Variants in AOAH observed in about 807,000 individuals in gnomAD.
The protein encoded by AOAH is acyloxyacyl hydrolase.
A neutral mutation model predicts 92.2 loss-of-function variants in AOAH; 64 were observed. The observed-to-expected ratio is 0.69, with a 90% CI of 0.57 to 0.86. The LOEUF is 0.86. Ranked by LOEUF, AOAH falls within the 40% of genes least tolerant of loss-of-function variation. AOAH has a pLI of 0.00. For synonymous variants in AOAH, 263 were observed against 254.5 expected (o/e 1.03, Z -0.32); for missense variants, 656 against 694.6 (o/e 0.94, Z 0.62).
At chr7:36,594,555 A>C in intron 11 of AOAH, 125 bp from the exon 12 acceptor site, 1 of 829,918 alleles carries the variant, frequency 1.2e-6, no homozygotes, top group East Asian at 2.7e-5. Context: ...TCTCGCTTTA[A>C]GGGCTTTTGG....
At chr7:36,544,729 G>A (rs934803188) in intron 15 of AOAH, among the ~76,000 whole-genome samples, 7 of 152,160 alleles carry the variant, frequency 4.6e-5, no homozygotes, top group African/African-American at 9.7e-5. Context: ...AGCCTGTCCC[G>A]CCCTAATGAA....
intron 16 of AOAH, among the ~76,000 whole-genome samples, chr7:36,537,286 T>TTCTA (rs994413826): frequency 4.6e-5 from 7 of 151,474 alleles, no homozygotes; most frequent in African/African-American, 1.7e-4. Context: ...AACAAACTTG[T>TTCTA]TCTATCTTTT....
chr7:36,695,112 A>T (rs1191285001), intron 1 of AOAH, among the ~76,000 whole-genome samples: 1 of 152,232 alleles, frequency 6.6e-6, no homozygotes, highest in Non-Finnish European at 1.5e-5. Flanking sequence ...AAATTTAGAA[A>T]TATAACAAAA....
chr7:36,620,125 T>C (rs961190955), intron 9 of AOAH, among the ~76,000 whole-genome samples: 2 of 152,224 alleles, frequency 1.3e-5, no homozygotes, highest in African/African-American at 4.8e-5. Context: ...ATTTCTGTGA[T>C]TGTTTTAAAA....
At chr7:36,638,648 A>G (rs1210776115) in intron 4 of AOAH, among the ~76,000 whole-genome samples, 3 of 152,146 alleles carry the variant, frequency 2.0e-5, no homozygotes, top group Admixed American at 2.0e-4. Context: ...ACTACTTCCC[A>G]GAGCTTTCAA....
intron 11 of AOAH, among the ~76,000 whole-genome samples, chr7:36,610,694 G>A (rs1035085108): frequency 4.6e-5 from 7 of 152,228 alleles, no homozygotes; most frequent in Middle Eastern, 3.4e-3. Context: ...TAAAGCGTAT[G>A]CACTCTCTTC....
chr7:36,566,359 C>CTTT (rs11363143), intron 13 of AOAH, among the ~76,000 whole-genome samples: 1 of 120,700 alleles, frequency 8.3e-6, no homozygotes, highest in African/African-American at 3.0e-5. Flanking sequence ...TCATCCTTAA[C>CTTT]TTTTTTTTTT....
At chr7:36,699,165 C>T (rs1797888049) in intron 1 of AOAH, among the ~76,000 whole-genome samples, 2 of 152,048 alleles carry the variant, frequency 1.3e-5, no homozygotes, top group Admixed American at 1.3e-4. Context: ...GAATAATATT[C>T]CATTGTGTAT....
intron 12 of AOAH, among the ~76,000 whole-genome samples, chr7:36,591,823 A>T (rs1235708888): frequency 6.6e-6 from 1 of 152,194 alleles, no homozygotes; most frequent in Non-Finnish European, 1.5e-5. Flanking sequence ...GGGGAAGTTT[A>T]GATTTAGGAA....
intron 3 of AOAH, among the ~76,000 whole-genome samples, chr7:36,659,700 G>A (rs1206600624): frequency 1.3e-5 from 2 of 151,800 alleles, no homozygotes; most frequent in Non-Finnish European, 2.9e-5. Context: ...TACTTTCTTA[G>A]GCACAATCCA....
chr7:36,668,485 GTTGT>G (rs1410388421), intron 3 of AOAH, among the ~76,000 whole-genome samples: 1 of 152,106 alleles, frequency 6.6e-6, no homozygotes, highest in Non-Finnish European at 1.5e-5. Context: ...TACTTCTTTT[GTTGT>G]TTGTTTGATT....
chr7:36,575,353 G>C (rs749386328), intron 13 of AOAH, among the ~76,000 whole-genome samples: 20 of 152,230 alleles, frequency 1.3e-4, no homozygotes, highest in Non-Finnish European at 2.4e-4. Flanking sequence ...CTGAGGAAGA[G>C]AGTCTTGGTT....
intron 3 of AOAH, among the ~76,000 whole-genome samples, chr7:36,670,765 G>A (rs967852956): frequency 4.6e-5 from 7 of 152,272 alleles, no homozygotes; most frequent in South Asian, 2.1e-4. Flanking sequence ...GTGAGCCACC[G>A]CGCCCGGCCC....
chr7:36,597,097 G>A (rs1262204745), intron 11 of AOAH, among the ~76,000 whole-genome samples: 1 of 152,164 alleles, frequency 6.6e-6, no homozygotes, highest in African/African-American at 2.4e-5. Context: ...CAGCACGGTA[G>A]GGGCTGGAAG....
chr7:36,568,003 G>A (rs1246314707), intron 13 of AOAH, among the ~76,000 whole-genome samples: 2 of 152,228 alleles, frequency 1.3e-5, no homozygotes, highest in Non-Finnish European at 2.9e-5. Flanking sequence ...AGAAATAGAA[G>A]TTTATTAATA....
chr7:36,622,754 A>AATATG (rs1292909977), intron 7 of AOAH, among the ~76,000 whole-genome samples: 1 of 152,246 alleles, frequency 6.6e-6, no homozygotes, highest in Admixed American at 6.5e-5. Context: ...TCCTTAAAAA[A>AATATG]TATGAAATGG....
chr7:36,594,127 C>T (rs991627983), intron 12 of AOAH, among the ~76,000 whole-genome samples: 22 of 152,220 alleles, frequency 1.4e-4, no homozygotes, highest in African/African-American at 5.1e-4. Flanking sequence ...ACTCCACCCC[C>T]ACCCTGCCCA....
intron 16 of AOAH, among the ~76,000 whole-genome samples, chr7:36,539,321 G>GA (rs1785271172): frequency 6.6e-6 from 1 of 152,190 alleles, no homozygotes; most frequent in African/African-American, 2.4e-5. Flanking sequence ...CCTTCTTCAT[G>GA]ATAGATTGGT....
chr7:36,702,400 T>A (rs1427514565), intron 1 of AOAH, among the ~76,000 whole-genome samples: 1 of 152,168 alleles, frequency 6.6e-6, no homozygotes, highest in African/African-American at 2.4e-5. Flanking sequence ...TGTGTTTATT[T>A]CACTTTCATT....
Sources: allele counts gnomAD v4.1 joint callset (sites outside exome capture counted in the v4.1 genomes callset), GRCh38; gene constraint gnomAD v4.1.1; transcripts MANE v1.5; gene names NCBI Gene and HGNC (gene_info 2026-07-23, HGNC 2026-07-21).